Variants in CLEC16A observed in about 807,000 individuals in gnomAD.
The protein encoded by CLEC16A is protein CLEC16A.
CLEC16A carries 51 observed loss-of-function variants against 109.5 expected under a neutral mutation model. The ratio of observed to expected loss-of-function variants is 0.47; its 90% CI spans 0.37 to 0.59. The LOEUF (loss-of-function observed/expected upper bound fraction) is 0.59. Among genes scored for constraint, CLEC16A ranks in the 20% least tolerant of loss-of-function variants. The pLI is 0.00. For synonymous variants in CLEC16A, 673 were observed against 564.2 expected, an observed-to-expected ratio of 1.19 and a Z score of -2.73; for missense variants, 1,339 against 1,394.0, an observed-to-expected ratio of 0.96 and a Z score of 0.63.
intron 11 of CLEC16A, among the ~76,000 whole-genome samples, chr16:11,009,601 G>C (rs145271728): frequency 6.6e-6 from 1 of 152,142 alleles, no homozygotes; most frequent in South Asian, 2.1e-4. Flanking sequence ...TGATGGCGCC[G>C]TACCACCTAC....
intron 11 of CLEC16A, among the ~76,000 whole-genome samples, chr16:11,014,440 T>A (rs1181163416): frequency 6.6e-6 from 1 of 152,186 alleles, no homozygotes; most frequent in East Asian, 1.9e-4. Context: ...CTTCCAGAGG[T>A]GTGTCTTGCG....
intron 13 of CLEC16A, among the ~76,000 whole-genome samples, chr16:11,025,559 A>G (rs1270871876): frequency 1.3e-5 from 2 of 152,152 alleles, no homozygotes; most frequent in Non-Finnish European, 2.9e-5. Context: ...TGAAACCTCC[A>G]CATCAGAATC....
At chr16:10,994,167 T>A (rs1161603076) in intron 10 of CLEC16A, among the ~76,000 whole-genome samples, 1 of 152,138 alleles carries the variant, frequency 6.6e-6, no homozygotes, top group Non-Finnish European at 1.5e-5. Flanking sequence ...AAGAATGCCG[T>A]GTTCTCCTTG....
chr16:11,124,419 C>T (rs528988965), intron 21 of CLEC16A, among the ~76,000 whole-genome samples: 2 of 152,218 alleles, frequency 1.3e-5, no homozygotes, highest in Admixed American at 6.5e-5. Flanking sequence ...TTACCCCTTC[C>T]TCCTTCCCCT....
intron 3 of CLEC16A, among the ~76,000 whole-genome samples, chr16:10,966,766 C>G (rs548096962): frequency 2.7e-4 from 41 of 152,250 alleles, no homozygotes; most frequent in South Asian, 4.1e-4. Context: ...CTCACTATCA[C>G]GAGAACAGGA....
chr16:11,147,937 C>G (rs888504320), intron 22 of CLEC16A, among the ~76,000 whole-genome samples: 1 of 152,246 alleles, frequency 6.6e-6, no homozygotes, highest in Non-Finnish European at 1.5e-5. Flanking sequence ...CACCCTTTCT[C>G]TTCCCTAAAA....
chr16:11,003,314 C>A lies in CLEC16A; in HGVS notation c.1303+9C>A. 1.2e-6 allele frequency: 2 copies of A among 1,607,210 alleles called. No individual in the cohort carries two copies. The highest frequency in any genetic ancestry group is 1.7e-6 in the Non-Finnish European group (2 of 1,175,738). ...GAGTGGGGAGAGTGAAGGTGAGTGT[C>A]CCCATGAACGCCGCCCTGTGCCTGC... On this transcript the variant is annotated intron_variant, in intron 11 of 23. Transcript: ENST00000409790.
In CLEC16A at chr16:11,155,191, C is replaced by T. The variant is rs142071179; in HGVS notation, c.2642-11197C>T. Among the ~76,000 whole-genome samples the T allele has an allele frequency of 3.9e-5, 6 of 152,266 alleles. No individual in the cohort carries two copies. In the East Asian group the frequency reaches 1.2e-3, roughly 29 times the overall value. The stretch of plus-strand genomic sequence containing the variant: ...CCCAAGTTCCAGGCACCGTAAATTC[C>T]AGCCGAGGAATCAAAACAGCGAGTG... On this transcript the variant is annotated intron_variant, in intron 22 of 23. Coordinates refer to ENST00000409790, the MANE Select transcript of CLEC16A (RefSeq NM_015226.3).
chr16:11,174,404 C>T lies in CLEC16A; in HGVS notation c.2807-3931C>T, dbSNP rs978101277. ...CTGAGCACAGAGCCATTTGCCAAGG[C>T]GGCACTTCCCCATTTTCCCCCAAAG... On this transcript the variant is annotated intron_variant, in intron 23 of 23. Transcript: ENST00000409790. The surrounding 1 kb of genome is among the most constrained non-coding windows in gnomAD (Gnocchi z 4.7). 11 of 353,628 alleles carry T rather than the reference C, an allele frequency of 3.1e-5. No homozygotes were observed. Among genetic ancestry groups the T allele is most frequent in the African/African-American group, 1.5e-4 (7 of 46,776 alleles). 21.9% of individuals were successfully genotyped at this position (353,628 alleles called of 1,614,324 possible).
intron 19 of CLEC16A, among the ~76,000 whole-genome samples, chr16:11,080,302 CAAG>C (rs2049630254): frequency 6.6e-6 from 1 of 152,258 alleles, no homozygotes; most frequent in Non-Finnish European, 1.5e-5. Flanking sequence ...ACTGCAGGAT[CAAG>C]AAGAATACAG....
At chr16:11,166,349 C>T in intron 22 of CLEC16A, 39 bp from the exon 23 acceptor site, 1 of 1,564,498 alleles carries the variant, frequency 6.4e-7, no homozygotes, top group Non-Finnish European at 8.6e-7. Flanking sequence ...CAGGCCTACT[C>T]TTTGCTTCCA....
At position 11,042,306 on chromosome 16, in the gene CLEC16A, G is replaced by A. The variant is rs201087024; in HGVS notation, c.1713G>A (p.Gln571=). 9.4e-6 allele frequency: 15 copies of A among 1,593,706 alleles called. No homozygotes were observed. Among genetic ancestry groups the A allele is most frequent in the Non-Finnish European group, 1.3e-5 (15 of 1,170,524 alleles). ...AGCTGAGCTGCCTGCTTCTGAAGCA[G>A]CAAGTCCTGATGAGTGCTGGCTGCA... is the stretch of plus-strand genomic sequence containing the variant. ...TLELSCLLLK[Q]QVLMSAGCIM... The change falls in exon 15 of 24, where the codon CAG becomes CAA. Residue 571 remains glutamine (Q), a synonymous_variant. Transcript: ENST00000409790.
chr16:11,181,748 C>T lies in CLEC16A; in HGVS notation c.*3058C>T, dbSNP rs199699158. 37 of 152,714 alleles carry T rather than the reference C, an allele frequency of 2.4e-4. No individual in the cohort carries two copies. The highest frequency in any genetic ancestry group is 8.7e-4 in the African/African-American group (36 of 41,584). The allele number at this position is 152,714 out of a possible 1,614,324, so 9.5% of individuals were successfully genotyped here. A position where few individuals can be genotyped will look rare whatever the true frequency, so the allele number is the denominator to read the frequency against. ...CTCTCCCGGAGCCTTGGCAGCCTCCCACAACCCAGACACTTGCGTTCACAA... is the reference window on the plus strand; with the variant it reads ...CTCTCCCGGAGCCTTGGCAGCCTCCTACAACCCAGACACTTGCGTTCACAA... On this transcript the variant is annotated 3_prime_UTR_variant, in exon 24 of 24. Coordinates refer to ENST00000409790, the MANE Select transcript of CLEC16A (RefSeq NM_015226.3).
intron 23 of CLEC16A, among the ~76,000 whole-genome samples, chr16:11,177,508 G>A (rs1472914120): frequency 2.0e-5 from 3 of 151,674 alleles, no homozygotes; most frequent in African/African-American, 7.3e-5. Flanking sequence ...GCTGAGGCAC[G>A]AGAATCACTT....
At chr16:11,156,763 C>G in intron 22 of CLEC16A, 1 of 908,068 alleles carries the variant, frequency 1.1e-6, no homozygotes, top group Non-Finnish European at 1.6e-6. Flanking sequence ...TGGCGACCTT[C>G]AGTTCTAGAA....
In CLEC16A at chr16:11,174,353, C is replaced by T. The variant is rs546413553; in HGVS notation, c.2807-3982C>T. The T allele has an allele frequency of 6.8e-5, 27 of 399,850 alleles. No individual in the cohort carries two copies. Among genetic ancestry groups the T allele is most frequent in the African/African-American group, 4.3e-4 (21 of 48,976 alleles). 24.8% of individuals were successfully genotyped at this position (399,850 alleles called of 1,614,324 possible). A position where few individuals can be genotyped will look rare whatever the true frequency, so the allele number is the denominator to read the frequency against. On this transcript the variant is annotated intron_variant, in intron 23 of 23. Coordinates refer to ENST00000409790, the MANE Select transcript of CLEC16A (RefSeq NM_015226.3). This position sits in a 1 kb window ranked among gnomAD's most constrained non-coding sequence, Gnocchi z 4.7. Reference sequence around the variant, plus strand: ...GCATTTCCACAGTCGGCAGGGTCCGCGCTGGCAAGGTGGGCCAAGCTGGGC... The same window carrying T: ...GCATTTCCACAGTCGGCAGGGTCCGTGCTGGCAAGGTGGGCCAAGCTGGGC...
intron 19 of CLEC16A, among the ~76,000 whole-genome samples, chr16:11,099,986 C>T (rs1040799913): frequency 2.0e-5 from 3 of 151,720 alleles, no homozygotes; most frequent in Admixed American, 6.6e-5. Context: ...TTTGGAGGCA[C>T]GGCTGACTGG....
intron 19 of CLEC16A, among the ~76,000 whole-genome samples, chr16:11,094,774 A>C (rs1269827927): frequency 6.6e-6 from 1 of 152,232 alleles, no homozygotes; most frequent in Non-Finnish European, 1.5e-5. Flanking sequence ...TTAGGTTTGC[A>C]TGGTTGCCAT....
intron 19 of CLEC16A, among the ~76,000 whole-genome samples, chr16:11,102,915 G>C (rs1389658851): frequency 6.6e-6 from 1 of 152,198 alleles, no homozygotes; most frequent in Non-Finnish European, 1.5e-5. Flanking sequence ...GGCCAGAGGG[G>C]AGACGGCAAC....
Sources: allele counts gnomAD v4.1 joint callset (sites outside exome capture counted in the v4.1 genomes callset), GRCh38; gene constraint gnomAD v4.1.1; non-coding constraint Gnocchi (gnomAD v3.1); transcripts MANE v1.5; gene names NCBI Gene and HGNC (gene_info 2026-07-23, HGNC 2026-07-21).